IPO4: variants seen among roughly 807,000 people sequenced by gnomAD.
IPO4 encodes the protein importin-4.
In IPO4, 91 loss-of-function variants were observed where a neutral mutation model predicts 133.5. The observed-to-expected ratio is 0.68, with a 90% CI of 0.58 to 0.81. The LOEUF (loss-of-function observed/expected upper bound fraction) is 0.81. Ranked by LOEUF, IPO4 falls within the 30% of genes least tolerant of loss-of-function variation. IPO4 has a pLI of 0.00. For missense variants in IPO4, 1,279 were observed against 1,386.2 expected (o/e 0.92, Z 1.23); for synonymous variants, 607 against 581.6 (o/e 1.04, Z -0.63).
rs200854426 is a variant in IPO4, at chr14:24,185,924, C to T, written c.1106G>A (p.Arg369His). ...GGCCAGCACCAGGAGTCCAGCTTTG[C>T]GCTGGTATGGGCTCTCGCTCCGCAA... ...EALRSESPYQ[R>H]KAGLLVLAVL... The change falls in exon 12 of 30, where the codon CGC (arginine) becomes CAC (histidine). Residue 369 changes from arginine (R) to histidine (H), a missense_variant. Physicochemically the swap from Arg to His is conservative, Grantham distance 29. Coordinates refer to ENST00000354464, the MANE Select transcript of IPO4 (RefSeq NM_024658.4). 1,117 of 1,614,072 alleles carry T rather than the reference C, an allele frequency of 6.9e-4. 8 individuals carry two copies. Among genetic ancestry groups the T allele is most frequent in the South Asian group, 3.0e-3 (271 of 91,090 alleles).
In IPO4 at chr14:24,185,315, G is replaced by A. The variant is rs373406864; in HGVS notation, c.1279-3C>T. 5.0e-6 allele frequency: 8 copies of A among 1,613,520 alleles called. No individual in the cohort carries two copies. In the South Asian group the frequency reaches 7.7e-5, roughly 16 times the overall value. ...CTTGAATAGCTGCTGATATGGGGCT[G>A]GGGGAGGGAGCAAGCAGGGCCTGAG... On this transcript the variant is annotated splice_polypyrimidine_tract_variant and splice_region_variant and intron_variant, in intron 13 of 29. Transcript: ENST00000354464.
In IPO4 at chr14:24,187,599, G is replaced by A. The variant is rs748588274; in HGVS notation, c.409-20C>T. ...CCCCATCTGTCCAAGAATAGAGGAT[G>A]GGAGAGCAAGCTTACAAGGTCTATC... On this transcript the variant is annotated intron_variant, in intron 5 of 29. Coordinates refer to ENST00000354464, the MANE Select transcript of IPO4 (RefSeq NM_024658.4). 3 of 1,614,036 alleles carry A rather than the reference G, an allele frequency of 1.9e-6. No individual in the cohort carries two copies. Among genetic ancestry groups the A allele is most frequent in the Non-Finnish European group, 2.5e-6 (3 of 1,179,940 alleles).
At position 24,180,297 on chromosome 14, in the gene IPO4, A is replaced by C. The variant is rs1448303857; in HGVS notation, c.*145T>G. 2 of 1,515,910 alleles carry C rather than the reference A, an allele frequency of 1.3e-6. No individual in the cohort carries two copies. The highest frequency in any genetic ancestry group is 4.0e-5 in the Admixed American group (2 of 49,692). The allele number at this position is 1,515,910 out of a possible 1,614,324, so 93.9% of individuals were successfully genotyped here. A position where few individuals can be genotyped will look rare whatever the true frequency, so the allele number is the denominator to read the frequency against. ...ATTTGTAACAGATCCAGCCTCAGGG[A>C]CAGCCCTGTAAGGCAGCAAGTGGGG... On this transcript the variant is annotated 3_prime_UTR_variant, in exon 30 of 30. Coordinates refer to ENST00000354464, the MANE Select transcript of IPO4 (RefSeq NM_024658.4).
rs767082261 is a variant in IPO4, at chr14:24,187,749, C to T, written c.326G>A (p.Arg109Gln). The T allele has an allele frequency of 2.2e-5, 35 of 1,614,168 alleles. No individual in the cohort carries two copies. The highest frequency in any genetic ancestry group is 3.0e-5 in the Non-Finnish European group (35 of 1,180,024). Reference sequence around the variant, plus strand: ...TGGCCAGGCCTCCAAGCCTTCCTTTCGAAAAATGGTGGCTGAGAGCTGGGC... The same window carrying T: ...TGGCCAGGCCTCCAAGCCTTCCTTTTGAAAAATGGTGGCTGAGAGCTGGGC... Reference protein sequence around the residue: ...SLAQLSATIFRKEGLEAWPQL... With the variant: ...SLAQLSATIFQKEGLEAWPQL... The change falls in exon 5 of 30, where the codon CGA becomes CAA. Residue 109 changes from arginine to glutamine, a missense_variant. Physicochemically the swap from Arg to Gln is conservative, Grantham distance 43. Around this residue, in one of 3 missense-constraint regions of IPO4, gnomAD observed 695 missense variants for 704.1 expected, o/e 0.99. Transcript: ENST00000354464.
chr14:24,188,201 T>A lies in IPO4; in HGVS notation c.278+15A>T, dbSNP rs6573607. On this transcript the variant is annotated intron_variant, in intron 4 of 29. Transcript: ENST00000354464. ...AAAGTCGTCAAGATCCCGAGAGAAGTGGGTAGGTACTTACTCTGTTTCTCT... is the reference window on the plus strand; with the variant it reads ...AAAGTCGTCAAGATCCCGAGAGAAGAGGGTAGGTACTTACTCTGTTTCTCT... 3.1e-6 allele frequency: 5 copies of A among 1,610,398 alleles called. No homozygotes were observed. Among genetic ancestry groups the A allele is most frequent in the African/African-American group, 1.3e-5 (1 of 74,928 alleles).
rs776471034 is a variant in IPO4, at chr14:24,187,551, A to C, written c.437T>G (p.Val146Gly). Residue 146 changes from valine (V) to glycine (G), a missense_variant, in exon 6 of 30, where the codon GTG becomes GGG. Around this residue, in one of 3 missense-constraint regions of IPO4, gnomAD observed 695 missense variants for 704.1 expected, o/e 0.99. Transcript: ENST00000354464. Reference sequence around the variant, plus strand: ...TTGGAAGGCCTCGGGCCGGGAGGTCACCACCACACTTAGCAGCAAAAGCCC... The same window carrying C: ...TTGGAAGGCCTCGGGCCGGGAGGTCCCCACCACACTTAGCAGCAAAAGCCC... ...EMGLLLLSVV[V>G]TSRPEAFQPH... is the part of the protein sequence containing the mutation. The C allele has an allele frequency of 6.2e-7, 1 of 1,614,180 alleles. No individual in the cohort carries two copies. Among genetic ancestry groups the C allele is most frequent in the Non-Finnish European group, 8.5e-7 (1 of 1,180,034 alleles).
chr14:24,184,144 T>C (rs1181000164), intron 17 of IPO4, 35 bp from the exon 18 acceptor site: 3 of 1,598,262 alleles, frequency 1.9e-6, no homozygotes, highest in East Asian at 2.2e-5. Flanking sequence ...TGTAAGGTCC[T>C]GCCTGCTACC....
chr14:24,185,443 A>G lies in IPO4; in HGVS notation c.1278+16T>C. 1 of 1,613,220 alleles carries G rather than the reference A, an allele frequency of 6.2e-7. No homozygotes were observed. Among genetic ancestry groups the G allele is most frequent in the Non-Finnish European group, 8.5e-7 (1 of 1,179,130 alleles). ...GGGACATTCAAGTGGTGGCTCCCAC[A>G]TTCAGCCTGGTTCACCTGTAGGTTT... On this transcript the variant is annotated intron_variant, in intron 13 of 29. Coordinates refer to ENST00000354464, the MANE Select transcript of IPO4 (RefSeq NM_024658.4).
chr14:24,185,158 C>A, intron 14 of IPO4, 25 bp downstream of exon 14: 1 of 1,613,524 alleles, frequency 6.2e-7, no homozygotes, highest in Non-Finnish European at 8.5e-7. Flanking sequence ...TCCCCCTTCC[C>A]CAAGCTCCCC....
At chr14:24,182,246 C>G (rs759231814) in intron 25 of IPO4, 32 bp downstream of exon 25, 2 of 1,614,064 alleles carry the variant, frequency 1.2e-6, no homozygotes, top group Admixed American at 3.3e-5. Flanking sequence ...CACGAGGGGA[C>G]TAGGGCTTGA....
chr14:24,180,909 G>T, intron 28 of IPO4, 151 bp from the exon 29 acceptor site: 1 of 628,328 alleles, frequency 1.6e-6, no homozygotes. Flanking sequence ...ATGAACATGA[G>T]AAGAACCAAT....
chr14:24,185,356 G>A (rs767268813), intron 13 of IPO4, 44 bp from the exon 14 acceptor site: 18 of 1,613,502 alleles, frequency 1.1e-5, no homozygotes, highest in Middle Eastern at 1.7e-4. Context: ...TTCACCTGCC[G>A]GGCACACACA....
In IPO4 at chr14:24,183,149, G is replaced by C. The variant is rs754879325; in HGVS notation, c.2248C>G (p.Arg750Gly). 1.2e-6 allele frequency: 2 copies of C among 1,612,772 alleles called. No individual in the cohort carries two copies. The highest frequency in any genetic ancestry group is 8.5e-7 in the Non-Finnish European group (1 of 1,179,146). The change falls in exon 23 of 30, where the codon CGA (arginine) becomes GGA (glycine). Residue 750 changes from arginine (R) to glycine (G), a missense_variant. By Grantham distance (125) the Arg-to-Gly change is moderately radical. Around this residue, in one of 3 missense-constraint regions of IPO4, gnomAD observed 575 missense variants for 653.4 expected, o/e 0.88. Coordinates refer to ENST00000354464, the MANE Select transcript of IPO4 (RefSeq NM_024658.4). ...GCCTGCATGTAGGATGGCACGACTC[G>C]GGCCAGGGCAGCCTGCAAAGCTGGG... ...NTAALQAALA[R>G]VVPSYMQAVN... is the part of the protein sequence containing the mutation.
Position 24,187,240 on chromosome 14 carries a change from G to A in IPO4, c.589-90C>T. ...CTCACAGCCTGAATTGCGAGGAGGA[G>A]CCCAGGCATAACAGCCAGGCCCACC... On this transcript the variant is annotated intron_variant, in intron 6 of 29. Coordinates refer to ENST00000354464, the MANE Select transcript of IPO4 (RefSeq NM_024658.4). 4.0e-6 allele frequency: 6 copies of A among 1,512,906 alleles called. No individual in the cohort carries two copies. In the South Asian group the frequency reaches 6.9e-5, roughly 17 times the overall value. The allele number at this position is 1,512,906 out of a possible 1,614,324, so 93.7% of individuals were successfully genotyped here. A position where few individuals can be genotyped will look rare whatever the true frequency, so the allele number is the denominator to read the frequency against.
chr14:24,185,409 G>T, intron 13 of IPO4, 50 bp downstream of exon 13: 2 of 1,610,170 alleles, frequency 1.2e-6, no homozygotes, highest in Non-Finnish European at 1.7e-6. Flanking sequence ...GATGAAAGAT[G>T]AGGGGAAGGG....
At position 24,187,761 on chromosome 14, in the gene IPO4, G is replaced by A; in HGVS notation, c.314C>T (p.Ala105Val). The A allele has an allele frequency of 6.2e-7, 1 of 1,614,174 alleles. No individual in the cohort carries two copies. The highest frequency in any genetic ancestry group is 8.5e-7 in the Non-Finnish European group (1 of 1,180,032). Residue 105 changes from alanine to valine, a missense_variant, in exon 5 of 30, where the codon GCC becomes GTC. This residue lies in a region of IPO4 where 695 missense variants were observed against 704.1 expected (regional missense o/e 0.99). Coordinates refer to ENST00000354464, the MANE Select transcript of IPO4 (RefSeq NM_024658.4). ...CVSLSLAQLSATIFRKEGLEA... is the reference protein window; with the variant it reads ...CVSLSLAQLSVTIFRKEGLEA... ...CAAGCCTTCCTTTCGAAAAATGGTGGCTGAGAGCTGGGCCAGGCTGAGGCT... is the reference window on the plus strand; with the variant it reads ...CAAGCCTTCCTTTCGAAAAATGGTGACTGAGAGCTGGGCCAGGCTGAGGCT...
intron 9 of IPO4, 56 bp downstream of exon 9, chr14:24,186,652 G>A: frequency 6.6e-7 from 1 of 1,512,472 alleles, no homozygotes; most frequent in Non-Finnish European, 9.2e-7. Context: ...CCCCAGGAGT[G>A]AGACTAAGGG....
Position 24,181,570 on chromosome 14 carries a change from C to T in IPO4, c.2988G>A (p.Glu996=). 1 of 1,610,430 alleles carries T rather than the reference C, an allele frequency of 6.2e-7. No individual in the cohort carries two copies. Among genetic ancestry groups the T allele is most frequent in the Non-Finnish European group, 8.5e-7 (1 of 1,178,396 alleles). The change falls in exon 28 of 30, where the codon GAG becomes GAA. Residue 996 remains glutamate, a synonymous_variant. Coordinates refer to ENST00000354464, the MANE Select transcript of IPO4 (RefSeq NM_024658.4). ...AGAGGCGCCCAATGGTGACCCACTC[C>T]TCCAAGTCCTCCTTCAGTGGCAGGG... The part of the protein sequence containing the change: ...LHALPLKEDL[E]EWVTIGRLFS...
intron 17 of IPO4, 94 bp downstream of exon 17, chr14:24,184,204 G>A: frequency 6.4e-7 from 1 of 1,559,470 alleles, no homozygotes; most frequent in Admixed American, 1.9e-5. Flanking sequence ...GTCCAAACCA[G>A]ACGACTGGAG....
Sources: gnomAD v4.1 joint callset for allele counts on GRCh38, gnomAD v4.1.1 for gene constraint, gnomAD v4.1.1 regional missense constraint, MANE v1.5 for transcripts, NCBI Gene and HGNC (gene_info 2026-07-23, HGNC 2026-07-21) for gene names.